Variants in ASTN1 observed in about 807,000 individuals in gnomAD.
The protein encoded by ASTN1 is astrotactin 1.
ASTN1 carries 41 observed loss-of-function variants against 140.7 expected under a neutral mutation model. The ratio of observed to expected loss-of-function variants is 0.29; its 90% CI spans 0.23 to 0.38. The LOEUF is 0.38. ASTN1 is among the 10% of genes least tolerant of loss of function. ASTN1 has a pLI of 1.00. For missense variants in ASTN1, 1,479 were observed against 1,678.8 expected, an observed-to-expected ratio of 0.88 and a Z score of 2.08; for synonymous variants, 640 against 652.2, an observed-to-expected ratio of 0.98 and a Z score of 0.29.
chr1:176,890,124 G>A (rs1571463617), intron 17 of ASTN1, among the ~76,000 whole-genome samples: 1 of 152,188 alleles, frequency 6.6e-6, no homozygotes, highest in Non-Finnish European at 1.5e-5. Flanking sequence ...GACACCTGTG[G>A]CCCCTGTCTG....
At chr1:176,882,595 C>T (rs1269073022) in intron 20 of ASTN1, among the ~76,000 whole-genome samples, 1 of 151,712 alleles carries the variant, frequency 6.6e-6, no homozygotes, top group Non-Finnish European at 1.5e-5. Context: ...TTTAATTCTG[C>T]CTTAAGTTAA....
At chr1:177,012,417 C>T (rs931563913) in intron 8 of ASTN1, among the ~76,000 whole-genome samples, 1 of 152,146 alleles carries the variant, frequency 6.6e-6, no homozygotes, top group Non-Finnish European at 1.5e-5. Flanking sequence ...CCTCAAGGTA[C>T]TCACTTTTTT....
intron 21 of ASTN1, among the ~76,000 whole-genome samples, chr1:176,873,708 C>A (rs1033744459): frequency 6.6e-6 from 1 of 152,176 alleles, no homozygotes; most frequent in Non-Finnish European, 1.5e-5. Context: ...TCTGGATTTA[C>A]CTGCACAGGA....
intron 1 of ASTN1, among the ~76,000 whole-genome samples, chr1:177,152,187 C>T (rs913264815): frequency 1.3e-5 from 2 of 152,068 alleles, no homozygotes; most frequent in Non-Finnish European, 2.9e-5. Flanking sequence ...AGAAAGTGCA[C>T]AGATTTGCAT....
At chr1:177,097,616 G>C (rs1220780186) in intron 1 of ASTN1, among the ~76,000 whole-genome samples, 2 of 152,154 alleles carry the variant, frequency 1.3e-5, no homozygotes, top group African/African-American at 4.8e-5. Flanking sequence ...ATAAGGGTAA[G>C]AGGAGGAACA....
Position 177,032,866 on chromosome 1 carries a change from A to C in ASTN1, c.472-17T>G. Reference sequence around the variant, plus strand: ...CATGCCACCCTAGGAAGAGAGGACCACAGATGGATGTGGGAAGATGGGTAG... The same window carrying C: ...CATGCCACCCTAGGAAGAGAGGACCCCAGATGGATGTGGGAAGATGGGTAG... On this transcript the variant is annotated splice_polypyrimidine_tract_variant and intron_variant, in intron 2 of 22. Coordinates refer to ENST00000361833, the MANE Select transcript of ASTN1 (RefSeq NM_004319.3). The C allele has an allele frequency of 6.4e-7, 1 of 1,573,106 alleles. No individual in the cohort carries two copies. Among genetic ancestry groups the C allele is most frequent in the East Asian group, 2.3e-5 (1 of 44,388 alleles).
At chr1:177,067,183 G>A (rs540768595) in intron 1 of ASTN1, among the ~76,000 whole-genome samples, 62 of 151,994 alleles carry the variant, frequency 4.1e-4, no homozygotes, top group Admixed American at 1.6e-3. Context: ...TCCTATGAGG[G>A]GATAGGATAG....
In ASTN1 at chr1:176,941,473, A is replaced by G. The variant is rs190279200; in HGVS notation, c.2377+2418T>C. Among the ~76,000 whole-genome samples, 633 of 152,300 alleles carry G rather than the reference A, an allele frequency of 4.2e-3. 3 individuals are homozygous for G. Among genetic ancestry groups the G allele is most frequent in the Non-Finnish European group, 7.2e-3 (491 of 68,020 alleles). ...ACTGCCTCGGGATCATCAAAATAAA[A>G]GTGTCCCATCTGGGCATCCTTCTAT... is the stretch of plus-strand genomic sequence containing the variant. On this transcript the variant is annotated intron_variant, in intron 14 of 22. Transcript: ENST00000361833.
intron 1 of ASTN1, among the ~76,000 whole-genome samples, chr1:177,127,358 T>C (rs913825765): frequency 6.6e-6 from 1 of 152,212 alleles, no homozygotes; most frequent in African/African-American, 2.4e-5. Context: ...CCACGGTTAA[T>C]GCTTTTTATT....
chr1:177,123,848 C>A (rs1446468116), intron 1 of ASTN1, among the ~76,000 whole-genome samples: 2 of 152,098 alleles, frequency 1.3e-5, no homozygotes, highest in African/African-American at 4.8e-5. Context: ...TGTGAGCTAA[C>A]CCCAGGCAGG....
At chr1:177,125,861 T>C (rs1681617853) in intron 1 of ASTN1, among the ~76,000 whole-genome samples, 2 of 152,200 alleles carry the variant, frequency 1.3e-5, no homozygotes, top group South Asian at 2.1e-4. Flanking sequence ...CAAAGGATAA[T>C]ATATTCTATG....
chr1:176,910,239 G>A (rs1670174367), intron 16 of ASTN1, among the ~76,000 whole-genome samples: 1 of 152,188 alleles, frequency 6.6e-6, no homozygotes, highest in Non-Finnish European at 1.5e-5. Flanking sequence ...AATTTTGCAC[G>A]TATCCTGGTA....
intron 7 of ASTN1, among the ~76,000 whole-genome samples, chr1:177,016,039 G>A (rs1675529346): frequency 6.6e-6 from 1 of 152,134 alleles, no homozygotes; most frequent in African/African-American, 2.4e-5. Flanking sequence ...ACTTTAAGAT[G>A]ATATAAATAG....
chr1:176,886,167 T>C (rs1318013274), intron 18 of ASTN1, among the ~76,000 whole-genome samples: 1 of 152,186 alleles, frequency 6.6e-6, no homozygotes, highest in Non-Finnish European at 1.5e-5. Flanking sequence ...TGTGTAAAAC[T>C]AAAGTATATT....
intron 2 of ASTN1, among the ~76,000 whole-genome samples, chr1:177,037,058 A>G (rs543129392): frequency 1.8e-4 from 27 of 152,114 alleles, no homozygotes; most frequent in Non-Finnish European, 3.2e-4. Context: ...GGCTTCAAAT[A>G]ATCCACTTGC....
rs770320290 is a variant in ASTN1, at chr1:177,061,230, G to A, written c.319C>T (p.Arg107Cys). 20 of 1,593,282 alleles carry A rather than the reference G, an allele frequency of 1.3e-5. No homozygotes were observed. The highest frequency in any genetic ancestry group is 4.0e-5 in the African/African-American group (3 of 74,268). ...SGNTEDIPLV[R>C]WRQQWLENGT... ...TTCTCCAGCCACTGCTGCCTCCAGCGCACCAAAGGGATATCCTCTGTGTTC... is the reference window on the plus strand; with the variant it reads ...TTCTCCAGCCACTGCTGCCTCCAGCACACCAAAGGGATATCCTCTGTGTTC... Residue 107 changes from arginine to cysteine, a missense_variant, in exon 2 of 23, where the codon CGC becomes TGC. Physicochemically the swap from Arg to Cys is radical, Grantham distance 180 (BLOSUM62 -3). Coordinates refer to ENST00000361833, the MANE Select transcript of ASTN1 (RefSeq NM_004319.3).
intron 22 of ASTN1, among the ~76,000 whole-genome samples, chr1:176,865,470 C>T (rs577932668): frequency 4.0e-4 from 61 of 152,280 alleles, no homozygotes; most frequent in African/African-American, 1.3e-3. Flanking sequence ...ACTCTGAATA[C>T]AGGAAGAGTA....
At chr1:176,864,685 T>C (rs561802069) in intron 22 of ASTN1, among the ~76,000 whole-genome samples, 164 bp from the exon 23 acceptor site, 2 of 150,920 alleles carry the variant, frequency 1.3e-5, no homozygotes, top group African/African-American at 2.4e-5. Context: ...TCCAAAAATA[T>C]CTGTCAAGCA....
chr1:176,978,186 C>G (rs185645416), intron 8 of ASTN1, among the ~76,000 whole-genome samples: 10 of 152,190 alleles, frequency 6.6e-5, no homozygotes, highest in African/African-American at 2.4e-4. Flanking sequence ...GCAAAGGTAC[C>G]AGTTCATCTG....
Sources: allele counts gnomAD v4.1 joint callset (sites outside exome capture counted in the v4.1 genomes callset), GRCh38; gene constraint gnomAD v4.1.1; transcripts MANE v1.5; gene names NCBI Gene and HGNC (gene_info 2026-07-23, HGNC 2026-07-21).